The following CLASP2 variants were observed in gnomAD, a reference collection of about 807,000 sequenced individuals.
CLASP2 encodes the protein CLIP-associating protein 2.
In CLASP2, 47 loss-of-function variants were observed where a neutral mutation model predicts 194.4. The ratio of observed to expected loss-of-function variants is 0.24; its 90% CI spans 0.19 to 0.31. CLASP2 has a LOEUF of 0.31. Ranked by LOEUF, CLASP2 falls within the 10% of genes least tolerant of loss-of-function variation. The probability of loss-of-function intolerance (pLI) is 1.00; values close to 1 mark genes in which losing one functional copy is unlikely to be tolerated. For missense variants in CLASP2, 1,445 were observed against 1,823.6 expected (o/e 0.79, Z 3.78); for synonymous variants, 619 against 633.5 (o/e 0.98, Z 0.34).
chr3:33,511,601 A>G (rs1429062612), intron 36 of CLASP2, among the ~76,000 whole-genome samples: 1 of 152,128 alleles, frequency 6.6e-6, no homozygotes, highest in Non-Finnish European at 1.5e-5. Flanking sequence ...TTCCTTCTGT[A>G]TTGAGCTTGG....
intron 2 of CLASP2, among the ~76,000 whole-genome samples, chr3:33,693,861 T>C (rs931721999): frequency 6.6e-6 from 1 of 151,798 alleles, no homozygotes; most frequent in Non-Finnish European, 1.5e-5. Flanking sequence ...AAGGAAAAAC[T>C]ATACATACAT....
At chr3:33,635,533 T>C (rs1172620869) in intron 8 of CLASP2, among the ~76,000 whole-genome samples, 1 of 152,130 alleles carries the variant, frequency 6.6e-6, no homozygotes, top group Non-Finnish European at 1.5e-5. Flanking sequence ...CTAGGAGAAT[T>C]AGGTTTTAGT....
intron 12 of CLASP2, among the ~76,000 whole-genome samples, chr3:33,615,530 T>C (rs993380454): frequency 7.3e-5 from 11 of 150,350 alleles, no homozygotes; most frequent in Admixed American, 5.3e-4. Context: ...TTGACAAAAT[T>C]AGAACCAGAA....
At chr3:33,526,001 A>G (rs2154118087) in intron 34 of CLASP2, among the ~76,000 whole-genome samples, 1 of 151,510 alleles carries the variant, frequency 6.6e-6, no homozygotes, top group South Asian at 2.1e-4. Context: ...ATAGAGTTTG[A>G]TCTGACCAGG....
intron 26 of CLASP2, among the ~76,000 whole-genome samples, chr3:33,568,359 C>T (rs1223514501): frequency 6.6e-6 from 1 of 151,764 alleles, no homozygotes; most frequent in Non-Finnish European, 1.5e-5. Context: ...TCAAGACCAG[C>T]TTGGCCAACA....
At chr3:33,536,108 G>C (rs1248899568) in intron 33 of CLASP2, among the ~76,000 whole-genome samples, 1 of 152,052 alleles carries the variant, frequency 6.6e-6, no homozygotes, top group Non-Finnish European at 1.5e-5. Context: ...CAAGCCATTT[G>C]CTAGGCACTT....
At chr3:33,532,639 T>C (rs754563862) in intron 34 of CLASP2, among the ~76,000 whole-genome samples, 10 of 152,192 alleles carry the variant, frequency 6.6e-5, no homozygotes, top group Non-Finnish European at 1.3e-4. Context: ...CCAATGATAA[T>C]TTCCTGATTT....
At chr3:33,682,727 T>G (rs2090035369) in intron 6 of CLASP2, among the ~76,000 whole-genome samples, 1 of 152,226 alleles carries the variant, frequency 6.6e-6, no homozygotes, top group South Asian at 2.1e-4. Flanking sequence ...CATATATTCT[T>G]GATTTCCTTT....
At chr3:33,714,890 A>C (rs2093218516) in intron 1 of CLASP2, among the ~76,000 whole-genome samples, 2 of 152,126 alleles carry the variant, frequency 1.3e-5, no homozygotes, top group African/African-American at 4.8e-5. Flanking sequence ...CACCATATTT[A>C]GAATAAAATC....
chr3:33,617,401 G>A (rs761645271), intron 12 of CLASP2, among the ~76,000 whole-genome samples: 1 of 151,832 alleles, frequency 6.6e-6, no homozygotes, highest in Non-Finnish European at 1.5e-5. Context: ...CTTTGTATTG[G>A]GGGAAATATG....
In CLASP2 at chr3:33,530,120, TA is replaced by T. The variant is rs1366698287; in HGVS notation, c.3787+5112del. Among the ~76,000 whole-genome samples, 207 of 145,432 alleles carry T rather than the reference TA, an allele frequency of 1.4e-3. 2 individuals are homozygous for T. The highest frequency in any genetic ancestry group is 2.7e-3 in the Admixed American group (39 of 14,534). On this transcript the variant is annotated intron_variant, in intron 34 of 38. Transcript: ENST00000682230. ...GAATGAGGCTGTTTTACAATTAACT[TA>T]AAAAAAAAAATAAGTATGAGTACAC... is the stretch of plus-strand genomic sequence containing the variant.
At chr3:33,697,052 T>C (rs1320754364) in intron 1 of CLASP2, 119 bp from the exon 2 acceptor site, 8 of 649,112 alleles carry the variant, frequency 1.2e-5, no homozygotes, top group African/African-American at 7.4e-5. Context: ...AAAAATGAGA[T>C]TTAAGTATTC....
At chr3:33,549,948 G>A (rs1333068703) in intron 30 of CLASP2, among the ~76,000 whole-genome samples, 10 of 151,838 alleles carry the variant, frequency 6.6e-5, no homozygotes, top group Admixed American at 6.6e-4. Flanking sequence ...CGTTGCTCAG[G>A]CTGGGCTCAA....
In CLASP2 at chr3:33,688,302, G is replaced by C; in HGVS notation, c.445C>G (p.Leu149Val). Residue 149 changes from leucine to valine, a missense_variant, in exon 4 of 39, where the codon CTG becomes GTG. Around this residue, in one of 4 missense-constraint regions of CLASP2, gnomAD observed 332 missense variants for 325.3 expected, o/e 1.02. Transcript: ENST00000682230. The stretch of plus-strand genomic sequence containing the variant: ...ATGTTTAAGGTTTCAATAAGACACA[G>C]ACACACGCCTTCTCGAGATCGAAAA... ...KNFRSREGVC[L>V]CLIETLNIFG... 1 of 1,589,214 alleles carries C rather than the reference G, an allele frequency of 6.3e-7. No individual in the cohort carries two copies. Among genetic ancestry groups the C allele is most frequent in the Admixed American group, 1.8e-5 (1 of 56,746 alleles).
chr3:33,605,178 G>A (rs2073480351), intron 16 of CLASP2, among the ~76,000 whole-genome samples: 1 of 151,984 alleles, frequency 6.6e-6, no homozygotes, highest in Non-Finnish European at 1.5e-5. Flanking sequence ...CTAGGAGCTT[G>A]CAAAAAATGA....
intron 6 of CLASP2, among the ~76,000 whole-genome samples, chr3:33,668,221 AAAAAC>A (rs1369966695): frequency 9.3e-4 from 142 of 152,362 alleles, no homozygotes; most frequent in African/African-American, 2.6e-3. Flanking sequence ...TCCAACTCAA[AAAAAC>A]AAAACAAAAC....
At position 33,602,291 on chromosome 3, in the gene CLASP2, G is replaced by C. The variant is rs1367924596; in HGVS notation, c.1924+661C>G. Reference sequence around the variant, plus strand: ...AGTCCAAAATACCTTTGAGTGTCATGTTGGTGCTCAAAAAGTTTCAGATTT... The same window carrying C: ...AGTCCAAAATACCTTTGAGTGTCATCTTGGTGCTCAAAAAGTTTCAGATTT... On this transcript the variant is annotated intron_variant, in intron 18 of 38. Transcript: ENST00000682230. The C allele has an allele frequency of 2.3e-5, 11 of 488,618 alleles. No individual in the cohort carries two copies. The Middle Eastern group carries it at 1.7e-3, about 75-fold the overall frequency. The allele number at this position is 488,618 out of a possible 1,614,324, so 30.3% of individuals were successfully genotyped here.
intron 34 of CLASP2, among the ~76,000 whole-genome samples, chr3:33,528,718 C>T (rs1182643250): frequency 2.6e-5 from 4 of 151,444 alleles, no homozygotes; most frequent in Admixed American, 2.0e-4. Context: ...GCCAAGATTG[C>T]GCCACAGCAC....
chr3:33,615,944 G>A (rs530306614), intron 12 of CLASP2, among the ~76,000 whole-genome samples: 2 of 150,902 alleles, frequency 1.3e-5, no homozygotes, highest in Non-Finnish European at 3.0e-5. Flanking sequence ...AAACTCAGAA[G>A]AAAACCCAAA....
Sources: gnomAD v4.1 joint callset for allele counts (sites outside exome capture counted in the v4.1 genomes callset) on GRCh38, gnomAD v4.1.1 for gene constraint, gnomAD v4.1.1 regional missense constraint, MANE v1.5 for transcripts, NCBI Gene and HGNC (gene_info 2026-07-23, HGNC 2026-07-21) for gene names.